Variants in SPON2 observed in about 807,000 individuals in gnomAD.
SPON2 encodes the protein spondin 2, also known as spondin-2.
SPON2 carries 32 observed loss-of-function variants against 29.9 expected under a neutral mutation model. The observed-to-expected ratio is 1.07, with a 90% CI of 0.81 to 1.44. The LOEUF is 1.44. Ranked by LOEUF, SPON2 falls within the 40% of genes most tolerant of loss-of-function variation. SPON2 has a pLI of 0.00. For synonymous variants in SPON2, 248 were observed against 209.1 expected, an observed-to-expected ratio of 1.19 and a Z score of -1.61; for missense variants, 541 against 455.5, an observed-to-expected ratio of 1.19 and a Z score of -1.71.
At chr4:1,178,706 C>T (rs1018354248) in intron 2 of SPON2, among the ~76,000 whole-genome samples, 2 of 144,792 alleles carry the variant, frequency 1.4e-5, no homozygotes, top group Non-Finnish European at 3.0e-5. Flanking sequence ...TCAATCAGAG[C>T]TCCTACAGAG....
chr4:1,192,220 A>G (rs1234129975), intron 1 of SPON2, among the ~76,000 whole-genome samples: 1 of 152,190 alleles, frequency 6.6e-6, no homozygotes, highest in Non-Finnish European at 1.5e-5. Flanking sequence ...ATGCTTTAGC[A>G]CAGAGATAAT....
chr4:1,200,725 G>T (rs1193284269), intron 1 of SPON2: 1 of 438,638 alleles, frequency 2.3e-6, no homozygotes, highest in Non-Finnish European at 4.6e-6. Context: ...TCGCTGGACG[G>T]GGTGGTAAGG....
At chr4:1,205,810 T>C in intron 1 of SPON2, among the ~76,000 whole-genome samples, 1 of 152,186 alleles carries the variant, frequency 6.6e-6, no homozygotes, top group African/African-American at 2.4e-5. Context: ...CCCCTGAAGC[T>C]GTGCAGGCCC....
At chr4:1,206,180 C>T (rs1316982913) in intron 1 of SPON2, among the ~76,000 whole-genome samples, 2 of 152,204 alleles carry the variant, frequency 1.3e-5, no homozygotes, top group Non-Finnish European at 2.9e-5. Flanking sequence ...AGGATGCCCC[C>T]CTCCCTGCTC....
chr4:1,194,948 CCTCGCA>C, intron 1 of SPON2: 1 of 140,092 alleles, frequency 7.1e-6, no homozygotes, highest in Non-Finnish European at 1.6e-5. Flanking sequence ...GCGGCTCCAA[CCTCGCA>C]GCCGGCGACT....
chr4:1,195,701 C>T (rs1728051354), upstream of SPON2, among the ~76,000 whole-genome samples: 1 of 152,186 alleles, frequency 6.6e-6, no homozygotes, highest in African/African-American at 2.4e-5. Flanking sequence ...TGGGATGCCC[C>T]TGCCCCAGAC....
chr4:1,200,771 C>T (rs1161182303), intron 1 of SPON2: 1 of 455,650 alleles, frequency 2.2e-6, no homozygotes, highest in African/African-American at 2.0e-5. Flanking sequence ...GGGTGCAGCC[C>T]CCCACCCCTC....
At chr4:1,172,363 C>A in intron 1 of SPON2, 181 bp downstream of exon 1, 1 of 532,088 alleles carries the variant, frequency 1.9e-6, no homozygotes, top group South Asian at 2.1e-5. Flanking sequence ...CTCCGGGATG[C>A]CTTCGCCGTC....
At chr4:1,189,655 A>AAAAAAAG (rs1560208668) in intron 1 of SPON2, among the ~76,000 whole-genome samples, 1 of 145,570 alleles carries the variant, frequency 6.9e-6, no homozygotes. Context: ...AAAAAAAAAA[A>AAAAAAAG]AAAGAAAGAA....
At chr4:1,175,223 A>T (rs2153077701), upstream of SPON2, among the ~76,000 whole-genome samples, 1 of 152,334 alleles carries the variant, frequency 6.6e-6, no homozygotes, top group African/African-American at 2.4e-5. Flanking sequence ...GAGGAGAGGA[A>T]GGAGGCGCCG....
chr4:1,170,434 C>T lies in SPON2; in HGVS notation c.779G>A (p.Ser260Asn), dbSNP rs143524322. ...GCTGTCTACAATCTCATTGTCCCTGCTGGGCAGGACTGGGGCGGGAGGGAT... is the reference window on the plus strand; with the variant it reads ...GCTGTCTACAATCTCATTGTCCCTGTTGGGCAGGACTGGGGCGGGAGGGAT... ...AFIPPAPVLP[S>N]RDNEIVDSAS... Residue 260 changes from serine (S) to asparagine (N), a missense_variant, in exon 5 of 6, where the codon AGC becomes AAC. Ser to Asn is a conservative substitution (Grantham distance 46). Coordinates refer to ENST00000290902, the MANE Select transcript of SPON2 (RefSeq NM_012445.4). 1.1e-5 allele frequency: 17 copies of T among 1,613,632 alleles called. No homozygotes were observed. The African/African-American group carries it at 2.1e-4, about 20-fold the overall frequency.
At chr4:1,189,436 C>A (rs966029410) in intron 1 of SPON2, among the ~76,000 whole-genome samples, 1 of 151,620 alleles carries the variant, frequency 6.6e-6, no homozygotes, top group Non-Finnish European at 1.5e-5. Context: ...GCAGGCAGAT[C>A]TCTTGAGCTC....
At chr4:1,174,127 G>T (rs1033771891), upstream of SPON2, among the ~76,000 whole-genome samples, 5 of 152,108 alleles carry the variant, frequency 3.3e-5, no homozygotes, top group African/African-American at 9.7e-5. Context: ...CTACTCAGGA[G>T]ACTGAGGTGG....
chr4:1,174,284 C>T (rs1727544362), upstream of SPON2, among the ~76,000 whole-genome samples: 1 of 151,834 alleles, frequency 6.6e-6, no homozygotes, highest in South Asian at 2.1e-4. Context: ...GTCAGGAACT[C>T]GAGACCAGCC....
chr4:1,181,000 T>C (rs1727691837), intron 1 of SPON2, among the ~76,000 whole-genome samples: 1 of 151,898 alleles, frequency 6.6e-6, no homozygotes, highest in Non-Finnish European at 1.5e-5. Context: ...TTCCCAAAGA[T>C]AAAGAAAAAT....
chr4:1,196,333 C>T (rs1047686436), upstream of SPON2, among the ~76,000 whole-genome samples: 1 of 152,366 alleles, frequency 6.6e-6, no homozygotes, highest in Admixed American at 6.5e-5. Flanking sequence ...CCTCCTCTGT[C>T]TGACAGCATA....
In SPON2 at chr4:1,186,016, G is replaced by A. The variant is rs570079402; in HGVS notation, c.-238-6475C>T. On this transcript the variant is annotated intron_variant, in intron 1 of 3. Transcript: ENST00000502483. ...TCCCAGCACTTTGGGAGGCCGAGGC[G>A]GGCGGATCACGAGGTCAGGAGATCG... Among the ~76,000 whole-genome samples, 80 of 151,308 alleles carry A rather than the reference G, an allele frequency of 5.3e-4. No homozygotes were observed. The South Asian group carries it at 5.7e-3, about 11-fold the overall frequency.
chr4:1,190,290 A>C (rs188793053), intron 1 of SPON2, among the ~76,000 whole-genome samples: 60 of 152,062 alleles, frequency 3.9e-4, no homozygotes, highest in Middle Eastern at 3.4e-3. Flanking sequence ...AGGAAAAAAA[A>C]AAACAAACAA....
chr4:1,170,801 G>A (rs1193090220), intron 4 of SPON2, 198 bp downstream of exon 4: 2 of 964,394 alleles, frequency 2.1e-6, no homozygotes, highest in Admixed American at 2.0e-5. Context: ...TCCTCCCTGC[G>A]GTGCTGTGAC....
Sources: allele counts gnomAD v4.1 joint callset (sites outside exome capture counted in the v4.1 genomes callset), GRCh38; gene constraint gnomAD v4.1.1; transcripts MANE v1.5; gene names NCBI Gene and HGNC (gene_info 2026-07-23, HGNC 2026-07-21).